MB21D2: variants seen among roughly 807,000 people sequenced by gnomAD.
MB21D2 encodes Mab-21 domain containing 2, also known as nucleotidyltransferase MB21D2.
In MB21D2, 9 loss-of-function variants were observed where a neutral mutation model predicts 33.3. The observed-to-expected ratio is 0.27, with a 90% CI of 0.16 to 0.47. The LOEUF (loss-of-function observed/expected upper bound fraction) is 0.47. Among genes scored for constraint, MB21D2 ranks in the 20% least tolerant of loss-of-function variants. MB21D2 has a pLI of 0.99. For synonymous variants in MB21D2, 241 were observed against 236.3 expected (o/e 1.02, Z -0.18); for missense variants, 540 against 624.6 (o/e 0.86, Z 1.44).
chr3:192,837,703 C>T (rs1344809967), intron 1 of MB21D2, among the ~76,000 whole-genome samples: 2 of 152,312 alleles, frequency 1.3e-5, no homozygotes, highest in African/African-American at 2.4e-5. Context: ...GATTCCAAAA[C>T]GCCATCCTAG....
At chr3:192,813,213 C>A (rs1711829287) in intron 1 of MB21D2, among the ~76,000 whole-genome samples, 1 of 151,824 alleles carries the variant, frequency 6.6e-6, no homozygotes, top group Non-Finnish European at 1.5e-5. Flanking sequence ...TTTGTCTTGG[C>A]AAGCAACATG....
chr3:192,890,958 T>C (rs1284680733), intron 1 of MB21D2, among the ~76,000 whole-genome samples: 1 of 152,046 alleles, frequency 6.6e-6, no homozygotes, highest in Non-Finnish European at 1.5e-5. Flanking sequence ...GATAGCAACA[T>C]CTCCTACCCC....
chr3:192,864,205 A>C (rs1713113014), intron 1 of MB21D2, among the ~76,000 whole-genome samples: 1 of 152,208 alleles, frequency 6.6e-6, no homozygotes, highest in African/African-American at 2.4e-5. Context: ...AGTACTTTCT[A>C]GGCATGTCAA....
rs551243078 is a variant in MB21D2 at position 192,825,336 on chromosome 3, G to A, written c.212-25686C>T. On this transcript the variant is annotated intron_variant, in intron 1 of 1. Coordinates refer to ENST00000392452, the MANE Select transcript of MB21D2 (RefSeq NM_178496.4). ...AACAGAGGCCTGGATAAATGTGTGC[G>A]TAGGGGAATGCAGTTCATTTCAGGC... 4.9e-4 allele frequency among the ~76,000 whole-genome samples: 75 copies of A among 152,298 alleles called. 1 individual carries two copies. Among genetic ancestry groups the A allele is most frequent in the Middle Eastern group, 6.8e-3 (2 of 294 alleles).
At chr3:192,819,065 A>G (rs1711987098) in intron 1 of MB21D2, among the ~76,000 whole-genome samples, 1 of 152,148 alleles carries the variant, frequency 6.6e-6, no homozygotes, top group South Asian at 2.1e-4. Context: ...GACCTGGAAT[A>G]TAAGTGACTC....
In MB21D2 at chr3:192,859,914, G is replaced by A. The variant is rs1288105049; in HGVS notation, c.211+57716C>T. 4.6e-5 allele frequency among the ~76,000 whole-genome samples: 7 copies of A among 152,180 alleles called. No homozygotes were observed. The South Asian group carries it at 8.3e-4, about 18-fold the overall frequency. ...AGTGTGGGGCTGGAATAGCACCAAC[G>A]ACAGGTTCCTCTGTCTGAAATGTAA... On this transcript the variant is annotated intron_variant, in intron 1 of 1. Transcript: ENST00000392452.
chr3:192,833,941 T>C (rs1320345974), intron 1 of MB21D2, among the ~76,000 whole-genome samples: 1 of 152,178 alleles, frequency 6.6e-6, no homozygotes, highest in Non-Finnish European at 1.5e-5. Context: ...TGTATTCCCA[T>C]GACACTCACA....
intron 1 of MB21D2, among the ~76,000 whole-genome samples, chr3:192,873,947 G>A (rs1030892893): frequency 2.6e-5 from 4 of 152,124 alleles, no homozygotes; most frequent in South Asian, 2.1e-4. Flanking sequence ...TGATCTGCCC[G>A]CCTTGGCCGA....
intron 1 of MB21D2, among the ~76,000 whole-genome samples, chr3:192,853,580 T>C (rs140616776): frequency 3.0e-4 from 46 of 152,186 alleles, no homozygotes; most frequent in Admixed American, 2.5e-3. Context: ...AACAGAAAAA[T>C]AGCTGAAAAT....
intron 1 of MB21D2, among the ~76,000 whole-genome samples, chr3:192,840,556 G>T (rs987763429): frequency 2.0e-5 from 3 of 150,178 alleles, no homozygotes; most frequent in African/African-American, 7.4e-5. Flanking sequence ...CTCAGAGACT[G>T]TTCGCAAGAG....
intron 1 of MB21D2, among the ~76,000 whole-genome samples, chr3:192,910,600 T>A (rs1308650907): frequency 6.6e-6 from 1 of 152,202 alleles, no homozygotes; most frequent in African/African-American, 2.4e-5. Flanking sequence ...AACTTATAGC[T>A]CCTCTTTAAA....
chr3:192,871,981 G>A (rs1325111468), intron 1 of MB21D2, among the ~76,000 whole-genome samples: 1 of 152,188 alleles, frequency 6.6e-6, no homozygotes, highest in Non-Finnish European at 1.5e-5. Flanking sequence ...GATGGAGGTA[G>A]AGCTGAACTA....
At chr3:192,903,051 A>C (rs1228332797) in intron 1 of MB21D2, among the ~76,000 whole-genome samples, 2 of 152,232 alleles carry the variant, frequency 1.3e-5, no homozygotes, top group Admixed American at 1.3e-4. Flanking sequence ...TTTATTTAGC[A>C]TCCTTCCTCT....
At chr3:192,842,237 C>T (rs139031431) in intron 1 of MB21D2, among the ~76,000 whole-genome samples, 2 of 152,346 alleles carry the variant, frequency 1.3e-5, no homozygotes, top group African/African-American at 4.8e-5. Context: ...ATGGGAAGTA[C>T]GGCAGGAACA....
At chr3:192,916,752 T>C (rs1714475109) in intron 1 of MB21D2, among the ~76,000 whole-genome samples, 1 of 152,122 alleles carries the variant, frequency 6.6e-6, no homozygotes, top group Admixed American at 6.5e-5. Context: ...CAGCATTCAA[T>C]CATGTTTCAG....
At chr3:192,828,591 CATATATAT>C (rs58394740) in intron 1 of MB21D2, among the ~76,000 whole-genome samples, 4 of 54,112 alleles carry the variant, frequency 7.4e-5, no homozygotes, top group Non-Finnish European at 1.5e-4. Flanking sequence ...TCACCCCCCC[CATATATAT>C]ATATATATAT....
At chr3:192,866,137 A>G (rs750194877) in intron 1 of MB21D2, among the ~76,000 whole-genome samples, 1 of 152,116 alleles carries the variant, frequency 6.6e-6, no homozygotes, top group Non-Finnish European at 1.5e-5. Context: ...AGAGCCACTG[A>G]CCCTTGTGTA....
chr3:192,915,243 A>T (rs1714436629), intron 1 of MB21D2, among the ~76,000 whole-genome samples: 1 of 152,222 alleles, frequency 6.6e-6, no homozygotes, highest in African/African-American at 2.4e-5. Flanking sequence ...GCTAGGGGTC[A>T]TTAAGAGACT....
At chr3:192,842,207 G>A (rs938980610) in intron 1 of MB21D2, among the ~76,000 whole-genome samples, 1 of 152,262 alleles carries the variant, frequency 6.6e-6, no homozygotes, top group Non-Finnish European at 1.5e-5. Context: ...AGCTGAAGTA[G>A]GAATGGATTG....
Sources: gnomAD v4.1 joint callset for allele counts (sites outside exome capture counted in the v4.1 genomes callset) on GRCh38, gnomAD v4.1.1 for gene constraint, MANE v1.5 for transcripts, NCBI Gene and HGNC (gene_info 2026-07-23, HGNC 2026-07-21) for gene names.